The following TGFBR3 variants were observed in gnomAD, a reference collection of about 807,000 sequenced individuals.
The protein encoded by TGFBR3 is transforming growth factor beta receptor 3.
Under a neutral mutation model 87.9 loss-of-function variants are expected in TGFBR3, and 46 were observed. The ratio of observed to expected loss-of-function variants is 0.52; its 90% CI spans 0.41 to 0.67. TGFBR3 has a LOEUF of 0.67. TGFBR3 is among the 30% of genes least tolerant of loss of function. The pLI, the probability that TGFBR3 is intolerant of heterozygous loss-of-function variation, is 0.00. For missense variants in TGFBR3, 866 were observed against 1,041.9 expected (o/e 0.83, Z 2.32); for synonymous variants, 381 against 391.6 (o/e 0.97, Z 0.32).
intron 1 of TGFBR3, among the ~76,000 whole-genome samples, chr1:91,875,794 GGGT>G (rs1192221496): frequency 1.5e-3 from 77 of 51,016 alleles, no homozygotes; most frequent in African/African-American, 4.2e-3. Context: ...CGGGGGGGGG[GGGT>G]GGGAGTGTGC....
At chr1:91,776,708 T>TG (rs1376083564) in intron 3 of TGFBR3, among the ~76,000 whole-genome samples, 3 of 152,172 alleles carry the variant, frequency 2.0e-5, no homozygotes, top group Non-Finnish European at 4.4e-5. Flanking sequence ...GGGTGACAAA[T>TG]TGGTGGCAGC....
chr1:91,716,619 T>C lies in TGFBR3; in HGVS notation c.1656A>G (p.Gly552=). ...GGGAAGCATCTCCTTCATCCATATC[T>C]CCCGGAAATCCATTATCACCTGACT... The part of the protein sequence containing the change: ...DLESGDNGFP[G]DMDEGDASLF... The change falls in exon 11 of 17, where the codon GGA becomes GGG. Residue 552 remains glycine, a synonymous_variant. Transcript: ENST00000212355. The C allele has an allele frequency of 6.2e-7, 1 of 1,614,122 alleles. No individual in the cohort carries two copies. Among genetic ancestry groups the C allele is most frequent in the Non-Finnish European group, 8.5e-7 (1 of 1,180,014 alleles).
Position 91,737,365 on chromosome 1 carries a change from G to T in TGFBR3, c.385-2406C>A, listed in dbSNP as rs146346842. Reference sequence around the variant, plus strand: ...GTGTTGTTTTAGAAGGTATTGTTCAGATGTTATTTCCATCTGATTTGCGGA... The same window carrying T: ...GTGTTGTTTTAGAAGGTATTGTTCATATGTTATTTCCATCTGATTTGCGGA... On this transcript the variant is annotated intron_variant, in intron 4 of 16. Coordinates refer to ENST00000212355, the MANE Select transcript of TGFBR3 (RefSeq NM_003243.5). Among the ~76,000 whole-genome samples the T allele has an allele frequency of 1.1e-3, 172 of 152,302 alleles. 2 individuals are homozygous for T. Among genetic ancestry groups the T allele is most frequent in the African/African-American group, 3.9e-3 (163 of 41,552 alleles).
rs578065525 is a variant in TGFBR3, at chr1:91,763,927, T to G, written c.247-5177A>C. On this transcript the variant is annotated intron_variant, in intron 3 of 16. Transcript: ENST00000212355. Reference sequence around the variant, plus strand: ...TCACCATTGCTTGTCCTTCACCATTTGGGAATTGGCATAAAAAGATTCCCT... The same window carrying G: ...TCACCATTGCTTGTCCTTCACCATTGGGGAATTGGCATAAAAAGATTCCCT... 5.3e-5 allele frequency among the ~76,000 whole-genome samples: 8 copies of G among 152,320 alleles called. No homozygotes were observed. The South Asian group carries it at 1.7e-3, about 32-fold the overall frequency.
intron 1 of TGFBR3, among the ~76,000 whole-genome samples, chr1:91,902,305 G>T (rs1298275080): frequency 1.4e-5 from 2 of 145,554 alleles, no homozygotes; most frequent in Admixed American, 6.9e-5. Context: ...GTGTGACAGG[G>T]TCTCACTCTG....
intron 12 of TGFBR3, 84 bp from the exon 13 acceptor site, chr1:91,712,626 C>A: frequency 1.6e-6 from 2 of 1,286,156 alleles, no homozygotes; most frequent in Non-Finnish European, 2.2e-6. Context: ...GCCAAGACAG[C>A]CCTTCAGATG....
chr1:91,795,386 C>A (rs929431656), intron 3 of TGFBR3, among the ~76,000 whole-genome samples: 1 of 152,206 alleles, frequency 6.6e-6, no homozygotes. Context: ...CACACTATGT[C>A]CCTGATGCCA....
chr1:91,769,847 A>G (rs773754106), intron 3 of TGFBR3, among the ~76,000 whole-genome samples: 32 of 152,160 alleles, frequency 2.1e-4, no homozygotes, highest in Non-Finnish European at 4.4e-4. Flanking sequence ...AAGGATCACC[A>G]CAGCAACCAG....
rs990760856 is a variant in TGFBR3 at position 91,886,020 on chromosome 1, G to C, written c.-256C>G. Reference sequence around the variant, plus strand: ...AAACTACGCCATCCGGACCCGCTGGGGACTCTCACCTCCTGCAGGGAGCTC... The same window carrying C: ...AAACTACGCCATCCGGACCCGCTGGCGACTCTCACCTCCTGCAGGGAGCTC... On this transcript the variant is annotated 5_prime_UTR_variant, in exon 1 of 17. Transcript: ENST00000212355. 6 of 453,712 alleles carry C rather than the reference G, an allele frequency of 1.3e-5. No homozygotes were observed. The highest frequency in any genetic ancestry group is 1.2e-4 in the African/African-American group (6 of 49,988). 28.1% of individuals were successfully genotyped at this position (453,712 alleles called of 1,614,324 possible).
chr1:91,844,467 T>G (rs1300899049), intron 2 of TGFBR3, among the ~76,000 whole-genome samples: 1 of 152,190 alleles, frequency 6.6e-6, no homozygotes, highest in East Asian at 1.9e-4. Flanking sequence ...TGAAAGAAAT[T>G]AAGGAAAACC....
chr1:91,734,881 G>A lies in TGFBR3; in HGVS notation c.463C>T (p.His155Tyr). The A allele has an allele frequency of 6.2e-7, 1 of 1,614,152 alleles. No homozygotes were observed. The highest frequency in any genetic ancestry group is 8.5e-7 in the Non-Finnish European group (1 of 1,180,006). ...CAATTTAACAGATGTTCATTTCCAT[G>A]GGGGAAGTTCCTTTCTTCTGTTTCT... ...TAETEERNFPHGNEHLLNWAR... is the reference protein window; with the variant it reads ...TAETEERNFPYGNEHLLNWAR... The change falls in exon 5 of 17, where the codon CAT (histidine) becomes TAT (tyrosine). Residue 155 changes from histidine (H) to tyrosine (Y), a missense_variant. His to Tyr is a moderately conservative substitution (Grantham distance 83). Transcript: ENST00000212355.
chr1:91,836,627 T>C (rs897264308), intron 2 of TGFBR3, among the ~76,000 whole-genome samples: 3 of 152,168 alleles, frequency 2.0e-5, no homozygotes, highest in Admixed American at 6.5e-5. Flanking sequence ...CTTTGAAATT[T>C]GATGAAACTT....
In TGFBR3 at chr1:91,886,119, A is replaced by T. The variant is rs929900640; in HGVS notation, c.-355T>A. 2 of 453,884 alleles carry T rather than the reference A, an allele frequency of 4.4e-6. No individual in the cohort carries two copies. Among genetic ancestry groups the T allele is most frequent in the African/African-American group, 4.0e-5 (2 of 49,988 alleles). The allele number at this position is 453,884 out of a possible 1,614,324, so 28.1% of individuals were successfully genotyped here. On this transcript the variant is annotated 5_prime_UTR_variant, in exon 1 of 17. Transcript: ENST00000212355. The stretch of plus-strand genomic sequence containing the variant: ...CCTCCTTCACTCGCTGGGAAGAGGA[A>T]AGTGCCGCTCGGCGTCCCCGAAACC...
rs199939529 is a variant in TGFBR3 at position 91,726,790 on chromosome 1, C to CA, written c.885+868dup. 8.9e-3 allele frequency among the ~76,000 whole-genome samples: 809 copies of CA among 90,508 alleles called. 15 individuals carry two copies. Among genetic ancestry groups the CA allele is most frequent in the Non-Finnish European group, 0.011 (543 of 48,168 alleles). The allele number at this position is 90,508 out of a possible 152,430, so 59.4% of individuals were successfully genotyped here. ...TGCAGGAACTAAAAGAGAGATTGGC[C>CA]AAAAAAAAAAAAAAAAAAAAAAAAA... On this transcript the variant is annotated intron_variant, in intron 7 of 16. Transcript: ENST00000212355.
intron 3 of TGFBR3, among the ~76,000 whole-genome samples, chr1:91,783,566 C>T (rs1674849705): frequency 6.6e-6 from 1 of 152,218 alleles, no homozygotes; most frequent in Admixed American, 6.5e-5. Flanking sequence ...TTCTGCTGGA[C>T]ACCACGCTCT....
At chr1:91,771,705 CAA>C (rs758894556) in intron 3 of TGFBR3, among the ~76,000 whole-genome samples, 6 of 83,110 alleles carry the variant, frequency 7.2e-5, no homozygotes, top group Admixed American at 1.4e-4. Flanking sequence ...GACTCTGTCT[CAA>C]AAAAAAAAAA....
rs922574615 is a variant in TGFBR3 at position 91,682,108 on chromosome 1, C to T, written c.*1631G>A. 5 of 453,762 alleles carry T rather than the reference C, an allele frequency of 1.1e-5. No homozygotes were observed. Among genetic ancestry groups the T allele is most frequent in the South Asian group, 3.1e-5 (2 of 64,470 alleles). 28.1% of individuals were successfully genotyped at this position (453,762 alleles called of 1,614,324 possible). The stretch of plus-strand genomic sequence containing the variant: ...TCAGGTAAGTCATATTATTACTCAA[C>T]GATTTGGTAAAAATGATTGTCAATT... On this transcript the variant is annotated 3_prime_UTR_variant, in exon 17 of 17. Coordinates refer to ENST00000212355, the MANE Select transcript of TGFBR3 (RefSeq NM_003243.5).
intron 3 of TGFBR3, among the ~76,000 whole-genome samples, chr1:91,778,453 G>A (rs545292586): frequency 7.2e-5 from 11 of 152,146 alleles, no homozygotes; most frequent in Admixed American, 2.0e-4. Flanking sequence ...GACCAAAAAA[G>A]AGGGAAGTCT....
At chr1:91,850,216 C>T (rs1158049400) in intron 2 of TGFBR3, among the ~76,000 whole-genome samples, 4 of 151,958 alleles carry the variant, frequency 2.6e-5, no homozygotes, top group Non-Finnish European at 4.4e-5. Flanking sequence ...AGGTACTTAA[C>T]GTTGACCAGA....
Sources: allele counts gnomAD v4.1 joint callset (sites outside exome capture counted in the v4.1 genomes callset), GRCh38; gene constraint gnomAD v4.1.1; transcripts MANE v1.5; gene names NCBI Gene and HGNC (gene_info 2026-07-23, HGNC 2026-07-21).